The following WNT5B variants were observed in gnomAD, a reference collection of about 807,000 sequenced individuals.
WNT5B encodes protein Wnt-5b.
WNT5B carries 18 observed loss-of-function variants against 36.5 expected under a neutral mutation model. The observed-to-expected ratio is 0.49, with a 90% CI of 0.34 to 0.73. The LOEUF (loss-of-function observed/expected upper bound fraction) is 0.73, where lower values mean the gene tolerates loss of function less well. Among genes scored for constraint, WNT5B ranks in the 30% least tolerant of loss-of-function variants. The pLI, the probability that WNT5B is intolerant of heterozygous loss-of-function variation, is 0.01. For synonymous variants in WNT5B, 213 were observed against 212.3 expected (o/e 1.00, Z -0.03); for missense variants, 424 against 508.4 (o/e 0.83, Z 1.60).
At chr12:1,634,754 C>T (rs1309396428) in intron 3 of WNT5B, among the ~76,000 whole-genome samples, 2 of 152,142 alleles carry the variant, frequency 1.3e-5, no homozygotes, top group African/African-American at 4.8e-5. Context: ...CTTCCTTTCT[C>T]CTTTGAAGCT....
intron 1 of WNT5B, among the ~76,000 whole-genome samples, chr12:1,623,177 G>GTTTTTTT (rs1565603144): frequency 6.1e-5 from 6 of 98,254 alleles, no homozygotes; most frequent in African/African-American, 1.3e-4. Flanking sequence ...CCTTTGAAGG[G>GTTTTTTT]TTTTTTGTTG....
chr12:1,637,975 A>G (rs1431525579), intron 3 of WNT5B, among the ~76,000 whole-genome samples: 1 of 151,782 alleles, frequency 6.6e-6, no homozygotes, highest in Non-Finnish European at 1.5e-5. Flanking sequence ...CCGGCCAGGC[A>G]CGGTGGCTCA....
rs2154439945 is a variant in WNT5B, at chr12:1,646,033, C to T, written c.861C>T (p.Tyr287=). ...TCTATGTGGACCCCAGCCCCGACTA[C>T]TGCCTGCGCAACGAGAGCACGGGCT... ...DLVYVDPSPD[Y]CLRNESTGSL... Residue 287 remains tyrosine, a synonymous_variant, in exon 5 of 5, where the codon TAC becomes TAT. Transcript: ENST00000397196. 1 of 1,613,234 alleles carries T rather than the reference C, an allele frequency of 6.2e-7. No individual in the cohort carries two copies. The highest frequency in any genetic ancestry group is 8.5e-7 in the Non-Finnish European group (1 of 1,180,010).
At chr12:1,638,172 T>G (rs2079516) in intron 3 of WNT5B, among the ~76,000 whole-genome samples, 106,362 of 152,068 alleles carry the variant, frequency 0.7, 37,506 homozygotes, top group South Asian at 0.78. Flanking sequence ...CGTGAACCCG[T>G]GAGGCGGAGC....
At chr12:1,623,177 G>GTTTTTTTTTTTTTTTTTTTT (rs1565603144) in intron 1 of WNT5B, among the ~76,000 whole-genome samples, 2 of 98,188 alleles carry the variant, frequency 2.0e-5, no homozygotes, top group African/African-American at 8.5e-5. Flanking sequence ...CCTTTGAAGG[G>GTTTTTTTTTTTTTTTTTTTT]TTTTTTGTTG....
At chr12:1,617,536 A>G (rs2094528489) in intron 1 of WNT5B, among the ~76,000 whole-genome samples, 1 of 152,064 alleles carries the variant, frequency 6.6e-6, no homozygotes, top group South Asian at 2.1e-4. Context: ...ATGCTGAGGT[A>G]GGAGGATCAC....
chr12:1,642,180 G>A (rs1381428186), intron 4 of WNT5B, among the ~76,000 whole-genome samples: 2 of 152,246 alleles, frequency 1.3e-5, no homozygotes, highest in Non-Finnish European at 2.9e-5. Flanking sequence ...CAGGGCGTGT[G>A]TGGAGCCACC....
chr12:1,642,192 G>A (rs1017106576), intron 4 of WNT5B, among the ~76,000 whole-genome samples: 3 of 152,198 alleles, frequency 2.0e-5, no homozygotes, highest in African/African-American at 7.2e-5. Flanking sequence ...GGAGCCACCC[G>A]GTCTCTCAGG....
chr12:1,639,607 T>A (rs2094570037), intron 3 of WNT5B, 77 bp from the exon 4 acceptor site: 1 of 1,419,210 alleles, frequency 7.0e-7, no homozygotes, highest in Admixed American at 3.0e-5. Flanking sequence ...TGCGGGTCCG[T>A]CGGGGGAGAC....
At chr12:1,638,984 A>G (rs2094567445) in intron 3 of WNT5B, among the ~76,000 whole-genome samples, 2 of 152,162 alleles carry the variant, frequency 1.3e-5, no homozygotes, top group South Asian at 4.1e-4. Flanking sequence ...TTTCTTCCTT[A>G]GCCTCATTCT....
intron 3 of WNT5B, among the ~76,000 whole-genome samples, chr12:1,635,067 G>T (rs867620018): frequency 6.6e-6 from 1 of 152,186 alleles, no homozygotes; most frequent in Non-Finnish European, 1.5e-5. Context: ...CTTGCTGAAG[G>T]TAGCAACAGT....
Position 1,633,228 on chromosome 12 carries a change from A to C in WNT5B, c.328+323A>C, listed in dbSNP as rs1488552415. 1.3e-5 allele frequency among the ~76,000 whole-genome samples: 2 copies of C among 151,958 alleles called. No homozygotes were observed. Among genetic ancestry groups the C allele is most frequent in the African/African-American group, 4.8e-5 (2 of 41,370 alleles). ...GGACATCTGAGTTGACTTAGAGTGG[A>C]TTAGGAGAGCCGCCCACCGCCACTG... On this transcript the variant is annotated intron_variant, in intron 3 of 4. Transcript: ENST00000397196. The surrounding 1 kb of genome is among the most constrained non-coding windows in gnomAD (Gnocchi z 4.8).
chr12:1,631,172 C>T lies in WNT5B; in HGVS notation c.-57-126C>T, dbSNP rs189961845. The T allele has an allele frequency of 1.1e-4, 86 of 815,214 alleles. 1 individual carries two copies. The highest frequency in any genetic ancestry group is 1.5e-4 in the Non-Finnish European group (82 of 554,496). 50.5% of individuals were successfully genotyped at this position (815,214 alleles called of 1,614,324 possible). A position where few individuals can be genotyped will look rare whatever the true frequency, so the allele number is the denominator to read the frequency against. On this transcript the variant is annotated intron_variant, in intron 1 of 4. Transcript: ENST00000397196. The stretch of plus-strand genomic sequence containing the variant: ...TGGGAGGCGGAGGCTGGAAAGAGGC[C>T]GAGCTTCTTTGTGGGGAACACGCAG...
chr12:1,632,913 GC>G lies in WNT5B; in HGVS notation c.328+10del, dbSNP rs1565607452. 2 of 1,600,824 alleles carry G rather than the reference GC, an allele frequency of 1.2e-6. No homozygotes were observed. Among genetic ancestry groups the G allele is most frequent in the Non-Finnish European group, 1.7e-6 (2 of 1,169,826 alleles). The stretch of plus-strand genomic sequence containing the variant: ...GGAGAGTCATGCAGATAGGTAAGAG[GC>G]CATTACAAGAGGGCTCGGCCAAGGA... On this transcript the variant is annotated intron_variant, in intron 3 of 4. Transcript: ENST00000397196. The surrounding 1 kb of genome is among the most constrained non-coding windows in gnomAD (Gnocchi z 5.8).
intron 3 of WNT5B, 70 bp from the exon 4 acceptor site, chr12:1,639,592 TGGCGTGCGGGTCCGTCGGGGGA>T: frequency 2.2e-6 from 3 of 1,372,712 alleles, no homozygotes; most frequent in Non-Finnish European, 2.8e-6. Context: ...AGCAGAGCCG[TGGCGTGCGGGTCCGTCGGGGGA>T]GACGGGGGGA....
In WNT5B at chr12:1,646,095, C is replaced by G; in HGVS notation, c.923C>G (p.Ser308Trp). 6.2e-7 allele frequency: 1 copy of G among 1,614,008 alleles called. No homozygotes were observed. The highest frequency in any genetic ancestry group is 8.5e-7 in the Non-Finnish European group (1 of 1,180,046). Reference protein sequence around the residue: ...GTQGRLCNKTSEGMDGCELMC... With the variant: ...GTQGRLCNKTWEGMDGCELMC... ...CAGGGCCGCCTCTGCAACAAGACCT[C>G]GGAGGGCATGGATGGCTGTGAGCTC... Residue 308 changes from serine to tryptophan, a missense_variant, in exon 5 of 5, where the codon TCG (serine) becomes TGG (tryptophan). Ser to Trp is a radical substitution (Grantham distance 177). Transcript: ENST00000397196.
In WNT5B at chr12:1,631,380, C is replaced by G. The variant is rs2094550500; in HGVS notation, c.26C>G (p.Thr9Arg). Reference sequence around the variant, plus strand: ...ATGCCCAGCCTGCTGCTGCTGTTCACGGCTGCTCTGCTGTCCAGCTGGGCT... The same window carrying G: ...ATGCCCAGCCTGCTGCTGCTGTTCAGGGCTGCTCTGCTGTCCAGCTGGGCT... MPSLLLLFTAALLSSWAQL... is the reference protein window; with the variant it reads MPSLLLLFRAALLSSWAQL... The change falls in exon 2 of 5, where the codon ACG (threonine) becomes AGG (arginine). Residue 9 changes from threonine (T) to arginine (R), a missense_variant. Thr to Arg is a moderately conservative substitution (Grantham distance 71). Transcript: ENST00000397196. 6.2e-7 allele frequency: 1 copy of G among 1,614,144 alleles called. No individual in the cohort carries two copies. Among genetic ancestry groups the G allele is most frequent in the Non-Finnish European group, 8.5e-7 (1 of 1,180,018 alleles).
rs546758249 is a variant in WNT5B, at chr12:1,640,896, G to A, written c.621+920G>A. Among the ~76,000 whole-genome samples, 5 of 152,312 alleles carry A rather than the reference G, an allele frequency of 3.3e-5. 1 individual carries two copies. Among genetic ancestry groups the A allele is most frequent in the South Asian group, 4.1e-4 (2 of 4,830 alleles). ...GACAGGGACCGAGGGCAACATGGGCGTCCACCCGGGTTTCCTCTGAGAAAG... is the reference window on the plus strand; with the variant it reads ...GACAGGGACCGAGGGCAACATGGGCATCCACCCGGGTTTCCTCTGAGAAAG... On this transcript the variant is annotated intron_variant, in intron 4 of 4. Transcript: ENST00000397196.
Position 1,646,282 on chromosome 12 carries a change from A to G in WNT5B, c.*30A>G, listed in dbSNP as rs543548816. The G allele has an allele frequency of 4.5e-6, 7 of 1,560,828 alleles. No individual in the cohort carries two copies. The highest frequency in any genetic ancestry group is 6.1e-6 in the Non-Finnish European group (7 of 1,154,018). On this transcript the variant is annotated 3_prime_UTR_variant, in exon 5 of 5. Coordinates refer to ENST00000397196, the MANE Select transcript of WNT5B (RefSeq NM_032642.3). ...GAGGGCCTGCTCCCGGCCCCCCTGC[A>G]CTCTGCCTCACAAAGGTCTATATTA...
Sources: allele counts gnomAD v4.1 joint callset (sites outside exome capture counted in the v4.1 genomes callset), GRCh38; gene constraint gnomAD v4.1.1; non-coding constraint Gnocchi (gnomAD v3.1); transcripts MANE v1.5; gene names NCBI Gene and HGNC (gene_info 2026-07-23, HGNC 2026-07-21).